Variants in MPC1 observed in about 807,000 individuals in gnomAD.
MPC1 encodes the protein HSPC040 protein.
MPC1 carries 6 observed loss-of-function variants against 13.9 expected under a neutral mutation model. The ratio of observed to expected loss-of-function variants is 0.43; its 90% CI spans 0.24 to 0.85. The LOEUF (loss-of-function observed/expected upper bound fraction) is 0.85, where lower values mean the gene tolerates loss of function less well. Ranked by LOEUF, MPC1 falls within the 40% of genes least tolerant of loss-of-function variation. The pLI is 0.24. For missense variants in MPC1, 115 were observed against 143.3 expected (o/e 0.80, Z 1.01); for synonymous variants, 47 against 50.5 (o/e 0.93, Z 0.29).
intron 1 of MPC1, among the ~76,000 whole-genome samples, chr6:166,377,336 T>C (rs1042920627): frequency 1.3e-5 from 2 of 151,910 alleles, no homozygotes; most frequent in Admixed American, 6.6e-5. Context: ...GGGGCCAGAG[T>C]TGAACACCTT....
At chr6:166,376,155 CGTGTGT>C (rs74273802) in intron 1 of MPC1, among the ~76,000 whole-genome samples, 6 of 150,972 alleles carry the variant, frequency 4.0e-5, no homozygotes, top group Admixed American at 6.6e-5. Context: ...TATACACATA[CGTGTGT>C]GTGTGTGTGT....
intron 1 of MPC1, among the ~76,000 whole-genome samples, chr6:166,375,638 TTGAGA>T (rs1256126272): frequency 1.3e-5 from 2 of 152,212 alleles, no homozygotes; most frequent in Non-Finnish European, 2.9e-5. Context: ...AAAATTTATC[TTGAGA>T]TTTCTTCTTT....
At chr6:166,367,586 C>A (rs1319926031) in intron 2 of MPC1, among the ~76,000 whole-genome samples, 1 of 152,142 alleles carries the variant, frequency 6.6e-6, no homozygotes, top group Non-Finnish European at 1.5e-5. Context: ...CCAAGGATAC[C>A]AAAGTGAAGT....
chr6:166,373,452 T>C (rs1432844405), intron 1 of MPC1, among the ~76,000 whole-genome samples: 1 of 152,240 alleles, frequency 6.6e-6, no homozygotes, highest in Non-Finnish European at 1.5e-5. Flanking sequence ...CTTTTCATGG[T>C]TTCATAGCTC....
At chr6:166,377,896 T>C in intron 1 of MPC1, among the ~76,000 whole-genome samples, 1 of 152,050 alleles carries the variant, frequency 6.6e-6, no homozygotes, top group East Asian at 1.9e-4. Flanking sequence ...GCTCAAAGAG[T>C]CCAAGGACCG....
At chr6:166,370,526 C>T (rs550101499) in intron 1 of MPC1, among the ~76,000 whole-genome samples, 16 of 152,266 alleles carry the variant, frequency 1.1e-4, no homozygotes, top group South Asian at 6.2e-4. Flanking sequence ...AAGCCACGTA[C>T]GTAATTTACA....
At chr6:166,372,993 CTT>C (rs1278112981) in intron 1 of MPC1, among the ~76,000 whole-genome samples, 1 of 151,992 alleles carries the variant, frequency 6.6e-6, no homozygotes, top group Non-Finnish European at 1.5e-5. Context: ...AAAAAATAAA[CTT>C]AATTTTTCAG....
At chr6:166,381,702 T>C (rs992830524) in intron 1 of MPC1, 7 of 557,598 alleles carry the variant, frequency 1.3e-5, no homozygotes, top group African/African-American at 1.2e-4. Flanking sequence ...TTTTCAGGCT[T>C]TCCAACCGCG....
At chr6:166,368,940 A>G (rs1779272930) in intron 2 of MPC1, 1 of 985,346 alleles carries the variant, frequency 1.0e-6, no homozygotes, top group African/African-American at 1.7e-5. Context: ...CCAGGGCTAT[A>G]AACAGAGCCT....
intron 1 of MPC1, among the ~76,000 whole-genome samples, chr6:166,379,097 C>T (rs553336494): frequency 6.6e-6 from 1 of 152,160 alleles, no homozygotes; most frequent in African/African-American, 2.4e-5. Flanking sequence ...TTTTTCACAC[C>T]AGGCCCAATC....
intron 2 of MPC1, among the ~76,000 whole-genome samples, chr6:166,367,984 C>T (rs1779224951): frequency 6.6e-6 from 1 of 152,196 alleles, no homozygotes; most frequent in South Asian, 2.1e-4. Flanking sequence ...ATGAAAGCCA[C>T]AAGGTCATTT....
chr6:166,376,622 T>C lies in MPC1; in HGVS notation c.71+6184A>G, dbSNP rs1356710371. Among the ~76,000 whole-genome samples, 9 of 152,362 alleles carry C rather than the reference T, an allele frequency of 5.9e-5. No homozygotes were observed. The East Asian group carries it at 1.5e-3, about 26-fold the overall frequency. The stretch of plus-strand genomic sequence containing the variant: ...TGCCCAGAAATAATGTTTTACCATC[T>C]ATCTGGGTATCTGTTAACCCAGTAA... On this transcript the variant is annotated intron_variant, in intron 1 of 4. Coordinates refer to ENST00000360961, the MANE Select transcript of MPC1 (RefSeq NM_016098.4).
intron 1 of MPC1, among the ~76,000 whole-genome samples, chr6:166,380,374 T>G (rs552869620): frequency 6.6e-6 from 1 of 152,244 alleles, no homozygotes. Context: ...TGAATCTTAG[T>G]GTGGTGCTCT....
At chr6:166,374,546 T>G (rs1779501962) in intron 1 of MPC1, among the ~76,000 whole-genome samples, 2 of 152,198 alleles carry the variant, frequency 1.3e-5, no homozygotes, top group African/African-American at 4.8e-5. Flanking sequence ...GCTAGGAGTT[T>G]CATAGTTTGT....
chr6:166,366,940 G>C (rs749353762), intron 2 of MPC1, 49 bp from the exon 3 acceptor site: 3 of 1,612,238 alleles, frequency 1.9e-6, no homozygotes, highest in Non-Finnish European at 2.5e-6. Flanking sequence ...AGTTAAGACA[G>C]AACTATAAAC....
chr6:166,382,908 C>T lies in MPC1; in HGVS notation c.-32G>A, dbSNP rs376218888. The T allele has an allele frequency of 1.6e-4, 253 of 1,574,260 alleles. 1 individual carries two copies. The African/African-American group carries it at 3.2e-3, about 20-fold the overall frequency. On this transcript the variant is annotated 5_prime_UTR_variant, in exon 1 of 5. Coordinates refer to ENST00000360961, the MANE Select transcript of MPC1 (RefSeq NM_016098.4). ...GCCGACACCAGACCCCGAGTGGTCC[C>T]TGCCTCTGCTGCCGCTTCCCAGAGC...
At chr6:166,369,943 G>A (rs1054835422) in intron 2 of MPC1, 18 of 589,366 alleles carry the variant, frequency 3.1e-5, no homozygotes, top group East Asian at 6.4e-5. Context: ...TCCTTTCATC[G>A]GTTGCTAGGC....
Position 166,365,521 on chromosome 6 carries a change from A to T in MPC1, c.306-68T>A, listed in dbSNP as rs1204164812. ...TCAATGCCAATCGCAAGGGCTTTGG[A>T]TGGCTTTTAAAAGACACCTTTACAT... On this transcript the variant is annotated intron_variant, in intron 4 of 4. Coordinates refer to ENST00000360961, the MANE Select transcript of MPC1 (RefSeq NM_016098.4). This position sits in a 1 kb window ranked among gnomAD's most constrained non-coding sequence, Gnocchi z 4.2. The T allele has an allele frequency of 3.0e-6, 4 of 1,355,560 alleles. No homozygotes were observed. The highest frequency in any genetic ancestry group is 4.0e-6 in the Non-Finnish European group (4 of 998,430). The allele number at this position is 1,355,560 out of a possible 1,614,324, so 84.0% of individuals were successfully genotyped here.
In MPC1 at chr6:166,366,725, A is replaced by C. The variant is rs1433716225; in HGVS notation, c.172+70T>G. 2.1e-6 allele frequency: 3 copies of C among 1,448,258 alleles called. No individual in the cohort carries two copies. In the African/African-American group the frequency reaches 4.2e-5, roughly 20 times the overall value. 89.7% of individuals were successfully genotyped at this position (1,448,258 alleles called of 1,614,324 possible). A position where few individuals can be genotyped will look rare whatever the true frequency, so the allele number is the denominator to read the frequency against. On this transcript the variant is annotated intron_variant, in intron 3 of 4. Transcript: ENST00000360961. ...TAGTGACTGTAACATCTAGTGCTACAATCTTGAAATGCAAGCAGGAGCTCT... is the reference window on the plus strand; with the variant it reads ...TAGTGACTGTAACATCTAGTGCTACCATCTTGAAATGCAAGCAGGAGCTCT...
Sources: gnomAD v4.1 joint callset for allele counts (sites outside exome capture counted in the v4.1 genomes callset) on GRCh38, gnomAD v4.1.1 for gene constraint, Gnocchi (gnomAD v3.1) non-coding constraint, MANE v1.5 for transcripts, NCBI Gene and HGNC (gene_info 2026-07-23, HGNC 2026-07-21) for gene names.